UTP14A: variants seen among roughly 807,000 people sequenced by gnomAD.
UTP14A encodes the protein U3 small nucleolar RNA-associated protein 14 homolog A.
Under a neutral mutation model 57.2 loss-of-function variants are expected in UTP14A, and 5 were observed. The ratio of observed to expected loss-of-function variants is 0.09; its 90% confidence interval spans 0.05 to 0.18. UTP14A has a LOEUF of 0.18. Ranked by LOEUF, UTP14A falls within the 10% of genes least tolerant of loss-of-function variation. The pLI is 1.00. For synonymous variants in UTP14A, 169 were observed against 210.9 expected (o/e 0.80, Z 1.72); for missense variants, 430 against 562.1 (o/e 0.76, Z 2.38).
At chrX:129,926,913 G>T (rs929940424) in intron 14 of UTP14A, among the ~76,000 whole-genome samples, 3 of 111,924 alleles carry the variant, frequency 2.7e-5, no homozygotes, top group African/African-American at 9.8e-5. Flanking sequence ...TCCCTCGGAA[G>T]GAATAAAGAA....
intron 1 of UTP14A, among the ~76,000 whole-genome samples, chrX:129,906,800 A>G (rs1929274378): frequency 9.0e-6 from 1 of 111,517 alleles, no homozygotes; most frequent in African/African-American, 3.3e-5. Flanking sequence ...TTTACTAAGC[A>G]AGCCCCAGGG....
intron 10 of UTP14A, 122 bp downstream of exon 10, chrX:129,920,874 C>G: frequency 8.7e-7 from 1 of 1,155,515 alleles, no homozygotes. Flanking sequence ...AGAAAAATCT[C>G]TAAGGCAGAA....
At chrX:129,922,957 C>T (rs988269116) in intron 11 of UTP14A, 3 of 111,251 alleles carry the variant, frequency 2.7e-5, no homozygotes, top group Non-Finnish European at 5.6e-5. Flanking sequence ...TGAGCCCCCT[C>T]AACAACTGGC....
intron 8 of UTP14A, among the ~76,000 whole-genome samples, chrX:129,920,229 T>C (rs979876499): frequency 1.8e-5 from 2 of 110,715 alleles, no homozygotes; most frequent in African/African-American, 3.3e-5. Context: ...CCTTGAGTTA[T>C]AGAGGCAAAG....
intron 6 of UTP14A, among the ~76,000 whole-genome samples, chrX:129,915,951 CTTTTTTTT>C (rs767150196): frequency 1.3e-4 from 11 of 81,943 alleles, no homozygotes; most frequent in Non-Finnish European, 2.0e-4. Context: ...AATTCCATGA[CTTTTTTTT>C]TTTTTTTTTT....
At chrX:129,922,802 G>A (rs182261452) in intron 11 of UTP14A, 23 of 109,833 alleles carry the variant, frequency 2.1e-4, no homozygotes, top group Non-Finnish European at 7.6e-5. Flanking sequence ...ATATTATAGG[G>A]ACCTTTACTT....
rs747118440 is a variant in UTP14A at position 129,921,393 on chromosome X, A to G, written c.1154A>G (p.Lys385Arg). 8.3e-7 allele frequency: 1 copy of G among 1,210,035 alleles called. No individual in the cohort carries two copies. The highest frequency in any genetic ancestry group is 1.1e-6 in the Non-Finnish European group (1 of 895,271). Residue 385 changes from lysine to arginine, a missense_variant, in exon 11 of 15, where the codon AAA becomes AGA. Coordinates refer to ENST00000394422, the MANE Select transcript of UTP14A (RefSeq NM_006649.4). ...CTCAGGAGCTGCACCAGTGACACCA[A>G]AGAGGCTGCAACCCAGGAGGACCCT... ...WMLRSCTSDTKEAATQEDPEQ... is the reference protein window; with the variant it reads ...WMLRSCTSDTREAATQEDPEQ...
At chrX:129,909,185 CCT>C (rs780003104) in intron 4 of UTP14A, among the ~76,000 whole-genome samples, 8 of 108,744 alleles carry the variant, frequency 7.4e-5, no homozygotes, top group Non-Finnish European at 1.5e-4. Flanking sequence ...TTATTGCTCC[CCT>C]GAGAGGAGCC....
At chrX:129,928,212 T>TA (rs371052944) in intron 14 of UTP14A, among the ~76,000 whole-genome samples, 1,698 of 93,492 alleles carry the variant, frequency 0.018, 43 homozygotes, top group African/African-American at 0.06. Flanking sequence ...CCATCTCTAC[T>TA]AAAAAAAAAA....
Position 129,926,040 on chromosome X carries a change from T to C in UTP14A, c.1871T>C (p.Val624Ala). The change falls in exon 13 of 15, where the codon GTG becomes GCG. Residue 624 changes from valine to alanine, a missense_variant. Val to Ala is a moderately conservative substitution (Grantham distance 64, BLOSUM62 0). This residue lies in a region of UTP14A where 82 missense variants were observed against 151.4 expected (regional missense o/e 0.54). Transcript: ENST00000394422. ...GTGGAGGCGAGTAAGCCAAAGGACGTGGACCTGACACTACCTGGCTGGGGC... is the reference window on the plus strand; with the variant it reads ...GTGGAGGCGAGTAAGCCAAAGGACGCGGACCTGACACTACCTGGCTGGGGC... ...EAVEASKPKD[V>A]DLTLPGWGEW... 8.3e-7 allele frequency: 1 copy of C among 1,211,721 alleles called. No individual in the cohort carries two copies. Among genetic ancestry groups the C allele is most frequent in the Non-Finnish European group, 1.1e-6 (1 of 895,397 alleles).
intron 3 of UTP14A, chrX:129,908,367 T>C: frequency 9.7e-6 from 4 of 412,614 alleles, no homozygotes; most frequent in Non-Finnish European, 1.3e-5. Flanking sequence ...TTAACCCCAT[T>C]AGAGAAATAA....
In UTP14A at chrX:129,929,746, T is replaced by A. The variant is rs1427353375; in HGVS notation, c.*138T>A. 5 of 789,321 alleles carry A rather than the reference T, an allele frequency of 6.3e-6. No individual in the cohort carries two copies. The highest frequency in any genetic ancestry group is 2.1e-5 in the African/African-American group (1 of 47,077). 65.0% of individuals were successfully genotyped at this position (789,321 alleles called of 1,213,427 possible). A position where few individuals can be genotyped will look rare whatever the true frequency, so the allele number is the denominator to read the frequency against. On this transcript the variant is annotated 3_prime_UTR_variant, in exon 15 of 15. Coordinates refer to ENST00000394422, the MANE Select transcript of UTP14A (RefSeq NM_006649.4). ...ACATTTTAAAAATAAAGGCATTTTT[T>A]AATCTATTTACCTGGAGTATATGTT...
chrX:129,907,913 A>G (rs1372176441), intron 2 of UTP14A, 147 bp from the exon 3 acceptor site: 1 of 499,388 alleles, frequency 2.0e-6, no homozygotes, highest in Non-Finnish European at 3.4e-6. Flanking sequence ...CCAAGATAAC[A>G]CCACTGCACT....
intron 6 of UTP14A, among the ~76,000 whole-genome samples, chrX:129,913,993 T>A (rs976810733): frequency 9.0e-5 from 10 of 110,552 alleles, no homozygotes; most frequent in African/African-American, 3.3e-4. Flanking sequence ...AATATATATA[T>A]AAATAAATAA....
chrX:129,911,974 C>T (rs1929489476), intron 6 of UTP14A, 53 bp downstream of exon 6: 2 of 1,177,338 alleles, frequency 1.7e-6, no homozygotes, highest in Non-Finnish European at 2.3e-6. Flanking sequence ...TTGGAGATTT[C>T]AGAGCCTGCA....
In UTP14A at chrX:129,921,472, A is replaced by C; in HGVS notation, c.1233A>C (p.Glu411Asp). Residue 411 changes from glutamate to aspartate, a missense_variant, in exon 11 of 15, where the codon GAA becomes GAC. By Grantham distance (45) the Glu-to-Asp change is conservative (BLOSUM62 2). Around this residue, in one of 4 missense-constraint regions of UTP14A, gnomAD observed 120 missense variants for 116.8 expected, o/e 1.03. Coordinates refer to ENST00000394422, the MANE Select transcript of UTP14A (RefSeq NM_006649.4). ...GAGTTTCTGAAAGTGAGGGAGAAGAAAGACCAGTGGCAGAAGAAGAAATTT... is the reference window on the plus strand; with the variant it reads ...GAGTTTCTGAAAGTGAGGGAGAAGACAGACCAGTGGCAGAAGAAGAAATTT... ...AHGVSESEGE[E>D]RPVAEEEILL... 8.3e-7 allele frequency: 1 copy of C among 1,211,883 alleles called. No homozygotes were observed. Among genetic ancestry groups the C allele is most frequent in the Non-Finnish European group, 1.1e-6 (1 of 895,580 alleles).
intron 11 of UTP14A, among the ~76,000 whole-genome samples, chrX:129,924,108 C>T (rs758397537): frequency 1.8e-5 from 2 of 109,320 alleles, no homozygotes; most frequent in South Asian, 4.0e-4. Context: ...AGATCCACAC[C>T]GCCATGCCTG....
At chrX:129,920,066 A>G (rs183216895) in intron 8 of UTP14A, among the ~76,000 whole-genome samples, 84 of 111,569 alleles carry the variant, frequency 7.5e-4, no homozygotes, top group Non-Finnish European at 1.4e-3. Context: ...ATGTGCACCT[A>G]TAGTCCCAGC....
At chrX:129,908,036 TG>T (rs1297367253) in intron 2 of UTP14A, 23 bp from the exon 3 acceptor site, 5 of 1,185,111 alleles carry the variant, frequency 4.2e-6, no homozygotes, top group Non-Finnish European at 5.7e-6. Context: ...TCATCCTGAT[TG>T]TTTTTCCTTT....
Sources: allele counts gnomAD v4.1 joint callset (sites outside exome capture counted in the v4.1 genomes callset), GRCh38; gene constraint gnomAD v4.1.1; regional missense constraint gnomAD v4.1.1; transcripts MANE v1.5; gene names NCBI Gene and HGNC (gene_info 2026-07-23, HGNC 2026-07-21).